The following GSG1L variants were observed in gnomAD, a reference collection of about 807,000 sequenced individuals.
GSG1L encodes GSG1 like.
GSG1L carries 24 observed loss-of-function variants against 42.1 expected under a neutral mutation model. The observed-to-expected ratio is 0.57, with a 90% CI of 0.41 to 0.80. The LOEUF is 0.80. Ranked by LOEUF, GSG1L falls within the 30% of genes least tolerant of loss-of-function variation. GSG1L has a pLI of 0.00. For missense variants in GSG1L, 445 were observed against 472.2 expected (o/e 0.94, Z 0.53); for synonymous variants, 215 against 203.5 (o/e 1.06, Z -0.48).
rs573168137 is a variant in GSG1L, at chr16:27,883,311, GGATGGGGT to G, written c.550+1167_550+1174del. 6.0e-4 allele frequency among the ~76,000 whole-genome samples: 91 copies of G among 152,058 alleles called. 1 individual carries two copies. Among genetic ancestry groups the G allele is most frequent in the African/African-American group, 2.1e-3 (87 of 41,454 alleles). ...AAGCTCTCCGTCCTTGGACAGCTGG[GGATGGGGT>G]GCATGGGGATGGGGTACATGGGGAT... On this transcript the variant is annotated intron_variant, in intron 3 of 6. Transcript: ENST00000447459.
intron 1 of GSG1L, among the ~76,000 whole-genome samples, chr16:28,045,439 GC>G (rs1393777715): frequency 1.3e-5 from 2 of 152,222 alleles, no homozygotes; most frequent in Non-Finnish European, 1.5e-5. Context: ...ACTGTGGGAG[GC>G]CAAGGCAGGA....
chr16:28,042,617 G>A (rs1427627972), intron 1 of GSG1L, among the ~76,000 whole-genome samples: 1 of 152,058 alleles, frequency 6.6e-6, no homozygotes, highest in Admixed American at 6.5e-5. Flanking sequence ...GCAAAGGGTA[G>A]GCCTAAAGAG....
At chr16:27,808,421 C>CTTT (rs11388084) in intron 5 of GSG1L, among the ~76,000 whole-genome samples, 4 of 141,780 alleles carry the variant, frequency 2.8e-5, no homozygotes, top group Non-Finnish European at 3.1e-5. Context: ...TAAAACACAT[C>CTTT]TTTTTTTTTT....
chr16:27,982,195 T>A (rs746715281), intron 1 of GSG1L, among the ~76,000 whole-genome samples: 4 of 152,092 alleles, frequency 2.6e-5, no homozygotes, highest in Admixed American at 2.0e-4. Context: ...CAGCAAGAGC[T>A]TGTCTCTATA....
intron 6 of GSG1L, among the ~76,000 whole-genome samples, chr16:27,800,411 A>C (rs1027709917): frequency 1.3e-5 from 2 of 152,170 alleles, no homozygotes; most frequent in Non-Finnish European, 2.9e-5. Context: ...CCAGCCTTAC[A>C]GATACACCTG....
chr16:28,008,092 G>GT (rs1319531011), intron 1 of GSG1L, among the ~76,000 whole-genome samples: 1 of 151,908 alleles, frequency 6.6e-6, no homozygotes, highest in African/African-American at 2.4e-5. Context: ...GTTTGTTTTT[G>GT]TTTTTTTAGA....
At chr16:27,905,613 A>T (rs974969927) in intron 2 of GSG1L, among the ~76,000 whole-genome samples, 1 of 152,162 alleles carries the variant, frequency 6.6e-6, no homozygotes, top group Non-Finnish European at 1.5e-5. Flanking sequence ...CACCTTTAAG[A>T]CATGGACAGA....
chr16:27,865,560 TATATATATATATACACAC>T (rs1319864726), intron 3 of GSG1L, among the ~76,000 whole-genome samples: 4,993 of 27,222 alleles, frequency 0.18, 396 homozygotes, highest in African/African-American at 0.37. Flanking sequence ...TATATATATA[TATATATATATATACACAC>T]ACACATACAT....
intron 2 of GSG1L, among the ~76,000 whole-genome samples, chr16:27,951,042 A>G (rs2084945734): frequency 6.6e-6 from 1 of 152,020 alleles, no homozygotes; most frequent in Non-Finnish European, 1.5e-5. Flanking sequence ...TCCCTGCCTT[A>G]TTTCCTGACA....
intron 2 of GSG1L, among the ~76,000 whole-genome samples, chr16:27,930,029 A>T (rs894421975): frequency 3.9e-5 from 6 of 152,110 alleles, no homozygotes; most frequent in Non-Finnish European, 7.3e-5. Flanking sequence ...TATGAGAGTC[A>T]GAGGCTTGGA....
At chr16:27,797,175 A>G (rs541776726) in intron 6 of GSG1L, among the ~76,000 whole-genome samples, 1 of 152,264 alleles carries the variant, frequency 6.6e-6, no homozygotes, top group South Asian at 2.1e-4. Context: ...CTTCACTCCA[A>G]AGGTTGGGCT....
chr16:27,989,915 C>T (rs967522708), intron 1 of GSG1L, among the ~76,000 whole-genome samples: 9 of 152,084 alleles, frequency 5.9e-5, no homozygotes, highest in Non-Finnish European at 1.3e-4. Flanking sequence ...TATTCTGATT[C>T]TTTTTCCTAA....
chr16:27,907,042 T>A (rs1272625522), intron 2 of GSG1L, among the ~76,000 whole-genome samples: 2 of 152,228 alleles, frequency 1.3e-5, no homozygotes, highest in African/African-American at 2.4e-5. Flanking sequence ...GCTACAGGGC[T>A]AGTATCCTCA....
intron 1 of GSG1L, among the ~76,000 whole-genome samples, chr16:27,982,443 G>T (rs1481760137): frequency 1.3e-5 from 2 of 152,186 alleles, no homozygotes; most frequent in African/African-American, 2.4e-5. Flanking sequence ...TGTGCGTGAA[G>T]TGAGGCAATT....
chr16:27,921,091 A>G (rs1596614608), intron 2 of GSG1L, among the ~76,000 whole-genome samples: 2 of 152,284 alleles, frequency 1.3e-5, no homozygotes, highest in Admixed American at 1.3e-4. Flanking sequence ...CCACTTTTCA[A>G]AGCAAAAATC....
intron 1 of GSG1L, among the ~76,000 whole-genome samples, chr16:27,989,024 G>A: frequency 7.1e-6 from 1 of 141,366 alleles, no homozygotes; most frequent in Non-Finnish European, 1.5e-5. Context: ...CTGCACTCCA[G>A]CCTAGGTGAC....
At chr16:27,983,751 A>T (rs183974449) in intron 1 of GSG1L, among the ~76,000 whole-genome samples, 1 of 152,292 alleles carries the variant, frequency 6.6e-6, no homozygotes, top group East Asian at 1.9e-4. Context: ...AAGAGAAATC[A>T]AAATGGGGGG....
chr16:27,849,166 C>T (rs2083476999), intron 3 of GSG1L, among the ~76,000 whole-genome samples: 1 of 145,878 alleles, frequency 6.9e-6, no homozygotes, highest in South Asian at 2.2e-4. Context: ...CCACTGCACT[C>T]CAGCCTGGGT....
chr16:28,048,974 G>C (rs894585328), intron 1 of GSG1L, among the ~76,000 whole-genome samples: 3 of 152,098 alleles, frequency 2.0e-5, no homozygotes, highest in African/African-American at 4.8e-5. Flanking sequence ...ACCTGGGCTG[G>C]AGAAAAAAAG....
Sources: gnomAD v4.1 joint callset for allele counts (sites outside exome capture counted in the v4.1 genomes callset) on GRCh38, gnomAD v4.1.1 for gene constraint, MANE v1.5 for transcripts, NCBI Gene and HGNC (gene_info 2026-07-23, HGNC 2026-07-21) for gene names.